The following MS4A5 variants were observed in gnomAD, a reference collection of about 807,000 sequenced individuals.
MS4A5 encodes membrane spanning 4-domains A5.
In MS4A5, 15 loss-of-function variants were observed where a neutral mutation model predicts 18.2. The ratio of observed to expected loss-of-function variants is 0.83; its 90% confidence interval spans 0.55 to 1.27. MS4A5 has a LOEUF of 1.27. Among genes scored for constraint, MS4A5 ranks in the 50% most tolerant of loss-of-function variants. MS4A5 has a pLI of 0.00. For missense variants in MS4A5, 232 were observed against 225.7 expected (o/e 1.03, Z -0.18); for synonymous variants, 89 against 78.7 (o/e 1.13, Z -0.69).
chr11:60,441,883 A>G (rs1279196534), intron 4 of MS4A5, among the ~76,000 whole-genome samples: 1 of 152,204 alleles, frequency 6.6e-6, no homozygotes, highest in Non-Finnish European at 1.5e-5. Flanking sequence ...TGCTAAACGT[A>G]TAATAGGGGA....
At chr11:60,433,694 C>G in intron 3 of MS4A5, 71 bp from the exon 4 acceptor site, 1 of 1,459,532 alleles carries the variant, frequency 6.9e-7, no homozygotes. Flanking sequence ...TCTCCATTCT[C>G]CGCACTCATT....
At chr11:60,442,865 G>A (rs1379118126) in intron 4 of MS4A5, among the ~76,000 whole-genome samples, 1 of 152,202 alleles carries the variant, frequency 6.6e-6, no homozygotes, top group South Asian at 2.1e-4. Context: ...AAATAGCCAG[G>A]CGCAGTGGCT....
chr11:60,438,779 T>A (rs1036625029), intron 4 of MS4A5, among the ~76,000 whole-genome samples: 1 of 146,450 alleles, frequency 6.8e-6, no homozygotes, highest in East Asian at 2.0e-4. Context: ...GTGGCAATAA[T>A]CAATAGCTTA....
chr11:60,430,824 C>G lies in MS4A5; in HGVS notation c.182C>G (p.Thr61Ser), dbSNP rs775862682. 1.9e-6 allele frequency: 3 copies of G among 1,613,246 alleles called. No individual in the cohort carries two copies. Among genetic ancestry groups the G allele is most frequent in the Non-Finnish European group, 2.5e-6 (3 of 1,179,876 alleles). Residue 61 changes from threonine to serine, a missense_variant, in exon 2 of 5, where the codon ACC (threonine) becomes AGC (serine). Thr to Ser is a moderately conservative substitution (Grantham distance 58). Transcript: ENST00000300190. ...ATCCAGATCCTGTTTGGAATTATGA[C>G]CTTTTCTTTTGGAGTTATCTTCCTT... Reference protein sequence around the residue: ...GTIQILFGIMTFSFGVIFLFT... With the variant: ...GTIQILFGIMSFSFGVIFLFT...
chr11:60,438,703 A>C (rs932493475), intron 4 of MS4A5, among the ~76,000 whole-genome samples: 56 of 151,952 alleles, frequency 3.7e-4, no homozygotes, highest in Non-Finnish European at 6.9e-4. Flanking sequence ...CGACACATAC[A>C]CTGTCCCAAG....
chr11:60,447,584 C>A (rs2086148016), intron 4 of MS4A5, 65 bp from the exon 5 acceptor site: 1 of 845,100 alleles, frequency 1.2e-6, no homozygotes, highest in Non-Finnish European at 1.8e-6. Flanking sequence ...TCATTATAAT[C>A]AGGAAAACCG....
chr11:60,435,924 C>G (rs559608384), intron 4 of MS4A5, among the ~76,000 whole-genome samples: 66 of 152,344 alleles, frequency 4.3e-4, no homozygotes, highest in African/African-American at 1.5e-3. Context: ...CTGGGTGGAT[C>G]CCACGACAGC....
chr11:60,433,597 A>C (rs1436071594), intron 3 of MS4A5, among the ~76,000 whole-genome samples, 168 bp from the exon 4 acceptor site: 1 of 147,606 alleles, frequency 6.8e-6, no homozygotes, highest in African/African-American at 2.5e-5. Flanking sequence ...TGTGTAGATG[A>C]AGGCCTGAAG....
At chr11:60,431,008 A>T in intron 2 of MS4A5, 84 bp downstream of exon 2, 1 of 1,482,066 alleles carries the variant, frequency 6.7e-7, no homozygotes, top group Non-Finnish European at 9.1e-7. Flanking sequence ...AGCTAGATCC[A>T]GTTGTATGAC....
chr11:60,439,909 G>A, intron 4 of MS4A5, among the ~76,000 whole-genome samples: 1 of 100,528 alleles, frequency 9.9e-6, no homozygotes, highest in African/African-American at 3.5e-5. Context: ...TTTCTTCACA[G>A]AATTGGAAAA....
At chr11:60,447,324 GC>G (rs1203415975) in intron 4 of MS4A5, among the ~76,000 whole-genome samples, 5 of 146,154 alleles carry the variant, frequency 3.4e-5, no homozygotes, top group African/African-American at 1.3e-4. Context: ...GCTATGCTAT[GC>G]TATGCTATGC....
intron 4 of MS4A5, among the ~76,000 whole-genome samples, chr11:60,445,125 T>C (rs2086132268): frequency 6.6e-6 from 1 of 152,068 alleles, no homozygotes; most frequent in Non-Finnish European, 1.5e-5. Flanking sequence ...ATTTAACACA[T>C]GATGCTAGAA....
chr11:60,434,120 T>C (rs1406240692), intron 4 of MS4A5, among the ~76,000 whole-genome samples: 2 of 152,096 alleles, frequency 1.3e-5, no homozygotes, highest in Non-Finnish European at 2.9e-5. Flanking sequence ...CTCCCACCTT[T>C]AGGAATTCAC....
intron 4 of MS4A5, among the ~76,000 whole-genome samples, chr11:60,447,091 C>G (rs572797228): frequency 6.8e-6 from 1 of 147,924 alleles, no homozygotes; most frequent in Non-Finnish European, 1.5e-5. Flanking sequence ...GCTATGCTAG[C>G]TATGCTATGC....
chr11:60,447,011 C>T (rs2086141879), intron 4 of MS4A5, among the ~76,000 whole-genome samples: 2 of 149,260 alleles, frequency 1.3e-5, no homozygotes, highest in South Asian at 4.2e-4. Flanking sequence ...ATGCCTTTCT[C>T]TAAAAAGATA....
intron 4 of MS4A5, among the ~76,000 whole-genome samples, chr11:60,443,596 T>C (rs1042608072): frequency 6.6e-5 from 10 of 151,280 alleles, no homozygotes; most frequent in African/African-American, 2.4e-4. Flanking sequence ...AATGAAAGAA[T>C]TGAGATATAG....
intron 4 of MS4A5, among the ~76,000 whole-genome samples, chr11:60,438,615 A>G (rs1319595073): frequency 5.3e-5 from 8 of 152,192 alleles, no homozygotes; most frequent in African/African-American, 1.9e-4. Context: ...CCACAGAAAT[A>G]CAAACGACCA....
At chr11:60,430,527 G>A (rs979847952) in intron 1 of MS4A5, among the ~76,000 whole-genome samples, 1 of 152,136 alleles carries the variant, frequency 6.6e-6, no homozygotes, top group Admixed American at 6.5e-5. Flanking sequence ...CTGATAGTTC[G>A]CATTTCTAGC....
intron 1 of MS4A5, 21 bp downstream of exon 1, chr11:60,429,848 T>C: frequency 6.2e-7 from 1 of 1,606,104 alleles, no homozygotes; most frequent in Non-Finnish European, 8.5e-7. Context: ...CTTGCCCCTA[T>C]GTATATTTTA....
Sources: allele counts gnomAD v4.1 joint callset (sites outside exome capture counted in the v4.1 genomes callset), GRCh38; gene constraint gnomAD v4.1.1; transcripts MANE v1.5; gene names NCBI Gene and HGNC (gene_info 2026-07-23, HGNC 2026-07-21).